LZTS2: variants seen among roughly 807,000 people sequenced by gnomAD.
LZTS2 encodes the protein leucine zipper tumor suppressor 2.
Under a neutral mutation model 60.6 loss-of-function variants are expected in LZTS2, and 32 were observed. The ratio of observed to expected loss-of-function variants is 0.53; its 90% CI spans 0.40 to 0.71. The LOEUF (loss-of-function observed/expected upper bound fraction) is 0.71, where lower values mean the gene tolerates loss of function less well. LZTS2 is among the 30% of genes least tolerant of loss of function. The pLI is 0.00. For missense variants in LZTS2, 792 were observed against 901.9 expected, an observed-to-expected ratio of 0.88 and a Z score of 1.56; for synonymous variants, 360 against 393.1, an observed-to-expected ratio of 0.92 and a Z score of 1.00.
At position 101,002,563 on chromosome 10, in the gene LZTS2, G is replaced by A. The variant is rs746294030; in HGVS notation, c.25G>A (p.Val9Met). The change falls in exon 1 of 4, where the codon GTG (valine) becomes ATG (methionine). Residue 9 changes from valine to methionine, a missense_variant. By Grantham distance (21) the Val-to-Met change is conservative (BLOSUM62 1). Transcript: ENST00000370220. ...CATGGCCATTGTGCAGACTCTGCCA[G>A]TGCCACTGGAGCCTGCTCCTGAAGC... 153 of 1,531,958 alleles carry A rather than the reference G, an allele frequency of 1.0e-4. No individual in the cohort carries two copies. The highest frequency in any genetic ancestry group is 1.2e-4 in the Non-Finnish European group (140 of 1,139,538). 94.9% of individuals were successfully genotyped at this position (1,531,958 alleles called of 1,614,324 possible). A position where few individuals can be genotyped will look rare whatever the true frequency, so the allele number is the denominator to read the frequency against.
exon 3 of LZTS2, chr10:101,005,634 C>T (rs765954464): frequency 2.9e-5 from 47 of 1,610,850 alleles, no homozygotes; most frequent in South Asian, 1.5e-4. Context: ...TGCAGGAGCG[C>T]GAACAGCTGG....
chr10:101,007,012 G>T, exon 4 of LZTS2: 1 of 1,573,304 alleles, frequency 6.4e-7, no homozygotes, highest in Non-Finnish European at 8.6e-7. Context: ...AGCAGCTGCA[G>T]CACAACTACA....
exon 1 of LZTS2, chr10:101,000,507 T>TG: frequency 6.6e-6 from 1 of 152,464 alleles, no homozygotes; most frequent in Non-Finnish European, 1.5e-5. Context: ...TCCGTGGGGT[T>TG]GGGGGGCCCT....
exon 4 of LZTS2, chr10:101,007,077 T>C: frequency 6.2e-7 from 1 of 1,608,840 alleles, no homozygotes; most frequent in Non-Finnish European, 8.5e-7. Flanking sequence ...CAGCTCAGCC[T>C]GGAGCTGGAG....
exon 1 of LZTS2, chr10:101,000,891 G>T (rs1441809924): frequency 6.6e-6 from 1 of 152,568 alleles, no homozygotes; most frequent in Non-Finnish European, 1.5e-5. Flanking sequence ...CTGCCCCAGC[G>T]TGGACACCTC....
chr10:101,003,181 C>T (rs181391332), intron 1 of LZTS2: 42 of 575,922 alleles, frequency 7.3e-5, no homozygotes, highest in African/African-American at 3.9e-4. Flanking sequence ...GTGCCTAGCA[C>T]GTAGCATGTA....
exon 4 of LZTS2, chr10:101,007,042 C>A: frequency 6.3e-7 from 1 of 1,596,446 alleles, no homozygotes; most frequent in Non-Finnish European, 8.5e-7. Context: ...ACCGGCGCAA[C>A]CGGCAGCTAG....
At position 101,006,513 on chromosome 10, in the gene LZTS2, T is replaced by A. The variant is rs1852204358; in HGVS notation, c.1355T>A (p.Leu452Gln). The A allele has an allele frequency of 1.9e-6, 3 of 1,610,916 alleles. No homozygotes were observed. The African/African-American group carries it at 4.0e-5, about 22-fold the overall frequency. ...TGCCAGAAATCAGGCGAGATCTCCC[T>A]GCTGAAGCAGCAGCTGAAAGAGTCT... Residue 452 changes from leucine to glutamine, a missense_variant, in exon 4 of 4, where the codon CTG (leucine) becomes CAG (glutamine). Transcript: ENST00000370220.
At chr10:101,000,455 AG>A (rs1852010847) in exon 1 of LZTS2, 1 of 152,204 alleles carries the variant, frequency 6.6e-6, no homozygotes, top group Non-Finnish European at 1.5e-5. Flanking sequence ...TGTGGCTCTC[AG>A]GGCCCGGCTC....
upstream of LZTS2, among the ~76,000 whole-genome samples, chr10:100,997,780 GTCC>G (rs1386299923): frequency 6.6e-6 from 1 of 152,230 alleles, no homozygotes; most frequent in Non-Finnish European, 1.5e-5. Context: ...CGTTTGCTTG[GTCC>G]CAGGCCGGAC....
At chr10:101,002,389 G>T (rs1852058236) in exon 1 of LZTS2, 2 of 647,574 alleles carry the variant, frequency 3.1e-6, no homozygotes, top group Admixed American at 3.8e-5. Flanking sequence ...GGGAGTCTTG[G>T]TGGGGATCAG....
chr10:101,003,278 C>T (rs1399878792), intron 1 of LZTS2: 3 of 526,580 alleles, frequency 5.7e-6, no homozygotes, highest in Non-Finnish European at 9.7e-6. Flanking sequence ...CTTGCTGAGC[C>T]TCCATTTCCT....
chr10:101,005,976 TG>T (rs1564818335), intron 3 of LZTS2, among the ~76,000 whole-genome samples: 2 of 152,228 alleles, frequency 1.3e-5, no homozygotes, highest in Non-Finnish European at 2.9e-5. Context: ...GCATGTTACA[TG>T]GAACAGATCA....
intron 3 of LZTS2, 52 bp from the exon 5 acceptor site, chr10:101,006,433 C>T (rs1414408315): frequency 3.2e-6 from 5 of 1,547,980 alleles, no homozygotes; most frequent in Non-Finnish European, 3.5e-6. Context: ...CAGGGCCTGT[C>T]CCCCCAGGAG....
chr10:101,002,940 G>A (rs927659903), exon 1 of LZTS2: 2 of 1,609,538 alleles, frequency 1.2e-6, no homozygotes, highest in Non-Finnish European at 1.7e-6. Flanking sequence ...CTGGAAAGCT[G>A]GAGAAGGTGA....
At chr10:100,998,471 T>C (rs1196365683), upstream of LZTS2, 1 of 152,210 alleles carries the variant, frequency 6.6e-6, no homozygotes, top group East Asian at 1.9e-4. Context: ...AAAACAACCC[T>C]GTCCATGGAG....
intron 2 of LZTS2, 44 bp from the exon 4 acceptor site, chr10:101,005,414 T>C (rs1201867960): frequency 1.3e-6 from 2 of 1,500,942 alleles, no homozygotes; most frequent in Non-Finnish European, 1.8e-6. Context: ...GAGTGGGGAG[T>C]TGGGAAAACT....
At chr10:101,004,640 A>C (rs1852130279) in intron 2 of LZTS2, among the ~76,000 whole-genome samples, 1 of 152,164 alleles carries the variant, frequency 6.6e-6, no homozygotes, top group Non-Finnish European at 1.5e-5. Flanking sequence ...GAAAGGAGTC[A>C]GAGTGCATGG....
exon 4 of LZTS2, chr10:101,006,535 G>A (rs757354358): frequency 1.7e-5 from 27 of 1,611,578 alleles, no homozygotes; most frequent in Admixed American, 1.3e-4. Flanking sequence ...AGCTGAAAGA[G>A]TCTCAGGCAG....
Sources: gnomAD v4.1 joint callset for allele counts (sites outside exome capture counted in the v4.1 genomes callset) on GRCh38, gnomAD v4.1.1 for gene constraint, MANE v1.5 for transcripts, NCBI Gene and HGNC (gene_info 2026-07-23, HGNC 2026-07-21) for gene names.